ARMC3: variants seen among roughly 807,000 people sequenced by gnomAD.
ARMC3 encodes armadillo repeat-containing protein 3.
ARMC3 carries 74 observed loss-of-function variants against 90.3 expected under a neutral mutation model. The observed-to-expected ratio is 0.82, with a 90% CI of 0.68 to 0.99. The LOEUF is 0.99. ARMC3 is among the 50% of genes least tolerant of loss of function. The pLI, the probability that ARMC3 is intolerant of heterozygous loss-of-function variation, is 0.00. For synonymous variants in ARMC3, 334 were observed against 361.8 expected, an observed-to-expected ratio of 0.92 and a Z score of 0.87; for missense variants, 958 against 1,042.8, an observed-to-expected ratio of 0.92 and a Z score of 1.12.
rs946891585 is a variant in ARMC3 at position 23,001,467 on chromosome 10, C to G, written c.1426-452C>G. 6.6e-5 allele frequency among the ~76,000 whole-genome samples: 10 copies of G among 152,162 alleles called. No individual in the cohort carries two copies. In the East Asian group the frequency reaches 1.7e-3, roughly 26 times the overall value. On this transcript the variant is annotated intron_variant, in intron 11 of 18. Coordinates refer to ENST00000298032, the MANE Select transcript of ARMC3 (RefSeq NM_173081.5). Reference sequence around the variant, plus strand: ...AAAGATCCTTGTGATTACACTGAACCCTCCTGGCTAATCCAGGATAACCTC... The same window carrying G: ...AAAGATCCTTGTGATTACACTGAACGCTCCTGGCTAATCCAGGATAACCTC...
intron 2 of ARMC3, among the ~76,000 whole-genome samples, chr10:22,934,636 C>T (rs1365866983): frequency 6.6e-6 from 1 of 152,158 alleles, no homozygotes; most frequent in African/African-American, 2.4e-5. Context: ...ACTCCATTAT[C>T]CACTTATGCC....
At chr10:22,984,672 A>G (rs1467492054) in intron 10 of ARMC3, among the ~76,000 whole-genome samples, 1 of 152,192 alleles carries the variant, frequency 6.6e-6, no homozygotes, top group Non-Finnish European at 1.5e-5. Context: ...AGCCCTATGT[A>G]GAAGATTTTC....
At chr10:22,938,742 T>C (rs1834207883) in intron 2 of ARMC3, among the ~76,000 whole-genome samples, 1 of 152,024 alleles carries the variant, frequency 6.6e-6, no homozygotes, top group African/African-American at 2.4e-5. Flanking sequence ...AAAGACATAA[T>C]GCAGTGTGTT....
intron 11 of ARMC3, among the ~76,000 whole-genome samples, chr10:22,998,736 G>A (rs1295485013): frequency 6.6e-6 from 1 of 152,182 alleles, no homozygotes; most frequent in African/African-American, 2.4e-5. Flanking sequence ...GCATCGTGCT[G>A]TAGCCATAAA....
At chr10:22,956,740 ATG>A (rs1222828971) in intron 4 of ARMC3, among the ~76,000 whole-genome samples, 1 of 146,122 alleles carries the variant, frequency 6.8e-6, no homozygotes, top group Non-Finnish European at 1.5e-5. Flanking sequence ...TAACATTAAT[ATG>A]TGATTAATAT....
At chr10:23,003,877 A>G (rs182526146) in intron 13 of ARMC3, among the ~76,000 whole-genome samples, 2 of 152,248 alleles carry the variant, frequency 1.3e-5, no homozygotes, top group Admixed American at 1.3e-4. Context: ...AGCAGGTGAC[A>G]CAGCTCATGC....
intron 1 of ARMC3, among the ~76,000 whole-genome samples, 183 bp downstream of exon 1, chr10:22,928,289 T>C (rs1271117480): frequency 6.6e-6 from 1 of 151,998 alleles, no homozygotes; most frequent in Non-Finnish European, 1.5e-5. Context: ...TTCGTAAGCA[T>C]CCCGCCACCT....
intron 16 of ARMC3, among the ~76,000 whole-genome samples, chr10:23,016,502 C>T (rs1255349806): frequency 6.6e-6 from 1 of 152,152 alleles, no homozygotes; most frequent in African/African-American, 2.4e-5. Flanking sequence ...GCTAAAGTTT[C>T]TGCAGGAGAG....
intron 10 of ARMC3, among the ~76,000 whole-genome samples, chr10:22,987,656 T>C (rs1388356772): frequency 6.6e-6 from 1 of 152,234 alleles, no homozygotes; most frequent in African/African-American, 2.4e-5. Context: ...TGCATGATCA[T>C]AAGTCCCTTG....
chr10:23,029,628 T>A (rs1036585751), intron 16 of ARMC3, among the ~76,000 whole-genome samples: 1 of 152,214 alleles, frequency 6.6e-6, no homozygotes, highest in Non-Finnish European at 1.5e-5. Flanking sequence ...TTGATTAACA[T>A]CCTATAGGAC....
chr10:22,965,036 C>T (rs752129545), intron 7 of ARMC3, among the ~76,000 whole-genome samples: 1 of 152,088 alleles, frequency 6.6e-6, no homozygotes, highest in African/African-American at 2.4e-5. Flanking sequence ...AGTCCTATAT[C>T]ATGTGTTAAG....
chr10:23,010,991 TCC>T (rs1457222623), intron 16 of ARMC3, among the ~76,000 whole-genome samples: 81 of 134,972 alleles, frequency 6.0e-4, no homozygotes, highest in Non-Finnish European at 9.1e-4. Flanking sequence ...TTCCCTTTTC[TCC>T]TCTCTCCTTC....
chr10:23,010,260 CTTCCT>C (rs777675174), intron 16 of ARMC3, among the ~76,000 whole-genome samples: 41 of 144,872 alleles, frequency 2.8e-4, no homozygotes, highest in South Asian at 7.0e-4. Context: ...CTGTTCTTCT[CTTCCT>C]TTCCCTTCCC....
chr10:23,037,164 C>A, intron 18 of ARMC3, 106 bp from the exon 19 acceptor site: 3 of 1,052,010 alleles, frequency 2.9e-6, no homozygotes, highest in Non-Finnish European at 4.1e-6. Context: ...CATTTCTTTG[C>A]AAGACTTGTG....
intron 1 of ARMC3, 77 bp from the exon 2 acceptor site, chr10:22,931,919 C>A (rs1464578142): frequency 2.1e-5 from 26 of 1,261,956 alleles, no homozygotes; most frequent in South Asian, 4.1e-5. Flanking sequence ...AGAAAATAAA[C>A]CTCCTCTCAA....
intron 11 of ARMC3, among the ~76,000 whole-genome samples, chr10:23,000,288 T>C (rs993880507): frequency 2.0e-5 from 3 of 152,100 alleles, no homozygotes; most frequent in Admixed American, 2.0e-4. Flanking sequence ...ATTTCTCTGC[T>C]TTCTCCCTTT....
At chr10:22,973,165 G>T (rs868371929) in intron 8 of ARMC3, among the ~76,000 whole-genome samples, 1 of 152,018 alleles carries the variant, frequency 6.6e-6, no homozygotes, top group African/African-American at 2.4e-5. Context: ...CATGCGTGAT[G>T]TTGTGCACCT....
chr10:22,937,929 A>AT (rs1166217186), intron 2 of ARMC3, among the ~76,000 whole-genome samples: 15 of 152,312 alleles, frequency 9.8e-5, no homozygotes, highest in African/African-American at 3.4e-4. Flanking sequence ...TGCCTACCAT[A>AT]TGCAAGCATT....
chr10:23,011,774 T>C (rs1838025022), intron 16 of ARMC3, among the ~76,000 whole-genome samples: 1 of 152,200 alleles, frequency 6.6e-6, no homozygotes, highest in Admixed American at 6.5e-5. Context: ...GCCTTCCAGT[T>C]CAAAAGCCTG....
Sources: allele counts gnomAD v4.1 joint callset (sites outside exome capture counted in the v4.1 genomes callset), GRCh38; gene constraint gnomAD v4.1.1; transcripts MANE v1.5; gene names NCBI Gene and HGNC (gene_info 2026-07-23, HGNC 2026-07-21).